Variants in FGF2 observed in about 807,000 individuals in gnomAD.
FGF2 encodes the protein fibroblast growth factor 2.
In FGF2, 13 loss-of-function variants were observed where a neutral mutation model predicts 15.9. That is an observed-to-expected ratio of 0.82 (90% confidence interval 0.53 to 1.30). FGF2 has a LOEUF of 1.30. Ranked by LOEUF, FGF2 falls within the 50% of genes most tolerant of loss-of-function variation. The pLI is 0.00. For synonymous variants in FGF2, 90 were observed against 78.4 expected (o/e 1.15, Z -0.78); for missense variants, 163 against 196.9 (o/e 0.83, Z 1.03).
rs771842609 is a variant in FGF2 at position 122,827,313 on chromosome 4, G to T, written c.139G>T (p.Gly47Cys). 1 of 1,612,974 alleles carries T rather than the reference G, an allele frequency of 6.2e-7. No homozygotes were observed. Among genetic ancestry groups the T allele is most frequent in the Non-Finnish European group, 8.5e-7 (1 of 1,179,892 alleles). The change falls in exon 1 of 3, where the codon GGC (glycine) becomes TGC (cysteine). Residue 47 changes from glycine to cysteine, a missense_variant. By Grantham distance (159) the Gly-to-Cys change is radical. Transcript: ENST00000644866. The surrounding 1 kb of genome is among the most constrained non-coding windows in gnomAD (Gnocchi z 4.2). ...CTTCTTCCTGCGCATCCACCCCGAC[G>T]GCCGAGTTGACGGGGTCCGGGAGAA... ...GGFFLRIHPDGRVDGVREKSD... is the reference protein window; with the variant it reads ...GGFFLRIHPDCRVDGVREKSD...
At chr4:122,887,711 G>A (rs1309671368) in intron 2 of FGF2, among the ~76,000 whole-genome samples, 1 of 152,064 alleles carries the variant, frequency 6.6e-6, no homozygotes, top group East Asian at 1.9e-4. Flanking sequence ...TGGTTATTGG[G>A]CCCCTCTTAT....
chr4:122,841,034 T>G (rs1406110190), intron 1 of FGF2, among the ~76,000 whole-genome samples: 2 of 152,238 alleles, frequency 1.3e-5, no homozygotes, highest in Non-Finnish European at 2.9e-5. Flanking sequence ...ACTAGGGTGC[T>G]ACAATGGGAG....
In FGF2 at chr4:122,897,682, C is replaced by T. The variant is rs767282153; in HGVS notation, c.*5286C>T. 37 of 1,595,472 alleles carry T rather than the reference C, an allele frequency of 2.3e-5. No individual in the cohort carries two copies. The highest frequency in any genetic ancestry group is 2.6e-5 in the Non-Finnish European group (30 of 1,163,104). ...GAAACTTCCACATATTTTTCAACTGCAGTATAAAGTCAGAAAATAAAGTTA... is the reference window on the plus strand; with the variant it reads ...GAAACTTCCACATATTTTTCAACTGTAGTATAAAGTCAGAAAATAAAGTTA... On this transcript the variant is annotated 3_prime_UTR_variant, in exon 3 of 3. Coordinates refer to ENST00000644866, the MANE Select transcript of FGF2 (RefSeq NM_001361665.2).
At chr4:122,833,560 G>A (rs1007067063) in intron 1 of FGF2, among the ~76,000 whole-genome samples, 13 of 152,240 alleles carry the variant, frequency 8.5e-5, no homozygotes, top group Non-Finnish European at 1.6e-4. Context: ...TCATAATTTA[G>A]GCACCTTAAG....
rs768240535 is a variant in FGF2 at position 122,827,183 on chromosome 4, C to A, written c.9C>A (p.Ala3=). ...CGGGCCCCGCAGGGACCATGGCAGC[C>A]GGGAGCATCACCACGCTGCCCGCCT... MA[A]GSITTLPALP... Residue 3 remains alanine (A), a synonymous_variant, in exon 1 of 3, where the codon GCC becomes GCA. Transcript: ENST00000644866. This position sits in a 1 kb window ranked among gnomAD's most constrained non-coding sequence, Gnocchi z 4.2. 1.3e-6 allele frequency: 2 copies of A among 1,585,030 alleles called. No homozygotes were observed. The highest frequency in any genetic ancestry group is 1.8e-5 in the Admixed American group (1 of 56,376).
intron 1 of FGF2, 66 bp from the exon 2 acceptor site, chr4:122,876,255 G>A (rs1302205797): frequency 1.2e-5 from 12 of 963,036 alleles, no homozygotes; most frequent in Admixed American, 5.1e-5. Flanking sequence ...TTTATATTGC[G>A]TAAATATTGT....
Position 122,897,778 on chromosome 4 carries a change from G to A in FGF2, c.*5382G>A, listed in dbSNP as rs1056713682. ...ACCTATAATTGGTCAAAGTGGTTGAGAATATATTTTTTAGTAATTGCATGC... is the reference window on the plus strand; with the variant it reads ...ACCTATAATTGGTCAAAGTGGTTGAAAATATATTTTTTAGTAATTGCATGC... On this transcript the variant is annotated 3_prime_UTR_variant, in exon 3 of 3. Transcript: ENST00000644866. 7.3e-6 allele frequency: 6 copies of A among 826,642 alleles called. No individual in the cohort carries two copies. The highest frequency in any genetic ancestry group is 1.7e-5 in the African/African-American group (1 of 58,046). 51.2% of individuals were successfully genotyped at this position (826,642 alleles called of 1,614,324 possible). A position where few individuals can be genotyped will look rare whatever the true frequency, so the allele number is the denominator to read the frequency against.
At chr4:122,836,572 C>T (rs1478670646) in intron 1 of FGF2, among the ~76,000 whole-genome samples, 1 of 152,166 alleles carries the variant, frequency 6.6e-6, no homozygotes, top group African/African-American at 2.4e-5. Context: ...GACCACATTA[C>T]CCAGTAGTTC....
chr4:122,892,069 G>C (rs1164432824), intron 2 of FGF2, 142 bp from the exon 3 acceptor site: 1 of 739,022 alleles, frequency 1.4e-6, no homozygotes, highest in East Asian at 2.7e-5. Flanking sequence ...ATTGAATCTT[G>C]TTAGTTTGAT....
rs1274445746 is a variant in FGF2 at position 122,893,475 on chromosome 4, T to C, written c.*1079T>C. 1.7e-5 allele frequency: 6 copies of C among 350,828 alleles called. No individual in the cohort carries two copies. Among genetic ancestry groups the C allele is most frequent in the Non-Finnish European group, 3.0e-5 (6 of 197,388 alleles). The allele number at this position is 350,828 out of a possible 1,614,324, so 21.7% of individuals were successfully genotyped here. A position where few individuals can be genotyped will look rare whatever the true frequency, so the allele number is the denominator to read the frequency against. ...GCTGCTACTTGGAGGCTTATCTACC[T>C]GTACATTTTTGGGGTCAGCTCTTTT... On this transcript the variant is annotated 3_prime_UTR_variant, in exon 3 of 3. Transcript: ENST00000644866.
chr4:122,829,062 C>T (rs1030450779), intron 1 of FGF2, among the ~76,000 whole-genome samples: 1 of 151,708 alleles, frequency 6.6e-6, no homozygotes, highest in African/African-American at 2.4e-5. Context: ...TTTTTTCAGA[C>T]TCTATTAGTT....
In FGF2 at chr4:122,891,071, C is replaced by G. The variant is rs762017504; in HGVS notation, c.283-1140C>G. The stretch of plus-strand genomic sequence containing the variant: ...GTTTTGTTTTTTTGAGACGGAGTCT[C>G]GCTGTGTCTCCCAGGTTGGAGTGCA... On this transcript the variant is annotated intron_variant, in intron 2 of 2. Coordinates refer to ENST00000644866, the MANE Select transcript of FGF2 (RefSeq NM_001361665.2). Among the ~76,000 whole-genome samples the G allele has an allele frequency of 1.0e-3, 135 of 135,454 alleles. 1 individual carries two copies. The highest frequency in any genetic ancestry group is 1.6e-3 in the Non-Finnish European group (103 of 65,366). The allele number at this position is 135,454 out of a possible 152,430, so 88.9% of individuals were successfully genotyped here.
intron 1 of FGF2, among the ~76,000 whole-genome samples, chr4:122,872,085 G>A (rs1248235092): frequency 6.6e-6 from 1 of 152,122 alleles, no homozygotes; most frequent in Non-Finnish European, 1.5e-5. Context: ...TGAGCTAAAA[G>A]GAGCATGTTC....
At position 122,894,446 on chromosome 4, in the gene FGF2, G is replaced by C. The variant is rs1221705211; in HGVS notation, c.*2050G>C. 1 of 152,226 alleles carries C rather than the reference G, an allele frequency of 6.6e-6. No homozygotes were observed. The highest frequency in any genetic ancestry group is 1.9e-4 in the East Asian group (1 of 5,196). 9.4% of individuals were successfully genotyped at this position (152,226 alleles called of 1,614,324 possible). ...AAAAACACAAAAAATAGCCAGGCAT[G>C]GTGGCGTGTACATGTGGTCTCAGAT... On this transcript the variant is annotated 3_prime_UTR_variant, in exon 3 of 3. Coordinates refer to ENST00000644866, the MANE Select transcript of FGF2 (RefSeq NM_001361665.2).
chr4:122,897,597 C>A lies in FGF2; in HGVS notation c.*5201C>A, dbSNP rs1429863111. 9.5e-6 allele frequency: 14 copies of A among 1,479,382 alleles called. No homozygotes were observed. Among genetic ancestry groups the A allele is most frequent in the Non-Finnish European group, 9.5e-6 (10 of 1,058,128 alleles). The allele number at this position is 1,479,382 out of a possible 1,614,324, so 91.6% of individuals were successfully genotyped here. ...CATTAATTTCCTCAACATTTTTAAG[C>A]CAATTAAAAATATAAAAGATACACA... On this transcript the variant is annotated 3_prime_UTR_variant, in exon 3 of 3. Transcript: ENST00000644866.
intron 1 of FGF2, among the ~76,000 whole-genome samples, chr4:122,855,525 G>A (rs896346922): frequency 6.6e-6 from 1 of 152,194 alleles, no homozygotes; most frequent in Non-Finnish European, 1.5e-5. Flanking sequence ...TGTTCCATAT[G>A]AAGATACTGA....
chr4:122,847,634 TATCTATCTGTCTATCTA>T (rs1273525232), intron 1 of FGF2, among the ~76,000 whole-genome samples: 4 of 134,114 alleles, frequency 3.0e-5, no homozygotes, highest in African/African-American at 1.6e-4. Flanking sequence ...TCTATCTATC[TATCTATCTGTCTATCTA>T]ATCTATCTAT....
rs750236034 is a variant in FGF2 at position 122,893,043 on chromosome 4, A to G, written c.*647A>G. The G allele has an allele frequency of 5.0e-6, 8 of 1,614,146 alleles. No individual in the cohort carries two copies. Among genetic ancestry groups the G allele is most frequent in the Non-Finnish European group, 6.8e-6 (8 of 1,180,036 alleles). Reference sequence around the variant, plus strand: ...AGGTCATTGAGATCCATCCACTCACATCTTAAGCATTCTTCCTGGCAAAAA... The same window carrying G: ...AGGTCATTGAGATCCATCCACTCACGTCTTAAGCATTCTTCCTGGCAAAAA... On this transcript the variant is annotated 3_prime_UTR_variant, in exon 3 of 3. Coordinates refer to ENST00000644866, the MANE Select transcript of FGF2 (RefSeq NM_001361665.2).
chr4:122,891,021 C>CTTTTTTTT (rs769084285), intron 2 of FGF2, among the ~76,000 whole-genome samples: 159 of 94,642 alleles, frequency 1.7e-3, no homozygotes, highest in East Asian at 4.9e-3. Context: ...AACAATTTAT[C>CTTTTTTTT]TTTTTTTTTT....
Sources: gnomAD v4.1 joint callset for allele counts (sites outside exome capture counted in the v4.1 genomes callset) on GRCh38, gnomAD v4.1.1 for gene constraint, Gnocchi (gnomAD v3.1) non-coding constraint, MANE v1.5 for transcripts, NCBI Gene and HGNC (gene_info 2026-07-23, HGNC 2026-07-21) for gene names.